POU3F4: variants seen among roughly 807,000 people sequenced by gnomAD.
POU3F4 encodes POU class 3 homeobox 4, also known as POU domain, class 3, transcription factor 4.
POU3F4 carries 2 observed loss-of-function variants against 15.2 expected under a neutral mutation model. The observed-to-expected ratio is 0.13, with a 90% CI of 0.05 to 0.42. The LOEUF is 0.42. POU3F4 is among the 10% of genes least tolerant of loss of function. The pLI is 0.99. For synonymous variants in POU3F4, 158 were observed against 133.3 expected (o/e 1.19, Z -1.28); for missense variants, 220 against 297.0 (o/e 0.74, Z 1.91).
In POU3F4 at chrX:83,510,872, A is replaced by C. The variant is rs1925896940; in HGVS notation, c.*1462A>C. The C allele has an allele frequency of 9.1e-6, 1 of 109,629 alleles. No homozygotes were observed. Among genetic ancestry groups the C allele is most frequent in the African/African-American group, 3.3e-5 (1 of 30,017 alleles). 9.0% of individuals were successfully genotyped at this position (109,629 alleles called of 1,213,427 possible). A position where few individuals can be genotyped will look rare whatever the true frequency, so the allele number is the denominator to read the frequency against. ...TCTGCTCAGTGCAGAACGGCAATGA[A>C]ATGATTGGCAAAGGTCACAGGGATT... On this transcript the variant is annotated 3_prime_UTR_variant, in exon 1 of 1. Transcript: ENST00000644024.
In POU3F4 at chrX:83,509,759, C is replaced by CACAT. The variant is rs1324998790; in HGVS notation, c.*352_*355dup. ...TTCTAACTTCTGTTGACAAAGGAAA[C>CACAT]ACATACTCTCTCATTCAGGCTTCTC... On this transcript the variant is annotated 3_prime_UTR_variant, in exon 1 of 1. Transcript: ENST00000644024. The CACAT allele has an allele frequency of 7.2e-5, 19 of 263,840 alleles. No individual in the cohort carries two copies. The highest frequency in any genetic ancestry group is 1.2e-4 in the Non-Finnish European group (17 of 144,046). The allele number at this position is 263,840 out of a possible 1,213,427, so 21.7% of individuals were successfully genotyped here.
In POU3F4 at chrX:83,508,730, C is replaced by G; in HGVS notation, c.406C>G (p.Gln136Glu). ...CGGCCAACCCCTCAACGTGTACTCGCAGCCTGGCTTCACCGTGAGCGGCAT... is the reference window on the plus strand; with the variant it reads ...CGGCCAACCCCTCAACGTGTACTCGGAGCCTGGCTTCACCGTGAGCGGCAT... ...SSGQPLNVYS[Q>E]PGFTVSGMLE... Residue 136 changes from glutamine to glutamate, a missense_variant, in exon 1 of 1, where the codon CAG becomes GAG. Transcript: ENST00000644024. 1 of 1,209,633 alleles carries G rather than the reference C, an allele frequency of 8.3e-7. No individual in the cohort carries two copies.
Position 83,510,342 on chromosome X carries a change from G to A in POU3F4, c.*932G>A, listed in dbSNP as rs903580478. 9.5e-6 allele frequency: 1 copy of A among 105,776 alleles called. No homozygotes were observed. The highest frequency in any genetic ancestry group is 1.9e-5 in the Non-Finnish European group (1 of 51,383). 8.7% of individuals were successfully genotyped at this position (105,776 alleles called of 1,213,427 possible). A position where few individuals can be genotyped will look rare whatever the true frequency, so the allele number is the denominator to read the frequency against. ...AGGAGGAGAGGATACAACGAAGAGAGTTATTGATGATGATATTGGTTATAT... is the reference window on the plus strand; with the variant it reads ...AGGAGGAGAGGATACAACGAAGAGAATTATTGATGATGATATTGGTTATAT... On this transcript the variant is annotated 3_prime_UTR_variant, in exon 1 of 1. Transcript: ENST00000644024.
chrX:83,509,699 C>CCTTTTTTTCCCTTTT lies in POU3F4; in HGVS notation c.*294_*308dup, dbSNP rs1925869138. The CCTTTTTTTCCCTTTT allele has an allele frequency of 5.6e-6, 2 of 355,461 alleles. No homozygotes were observed. Among genetic ancestry groups the CCTTTTTTTCCCTTTT allele is most frequent in the Non-Finnish European group, 9.9e-6 (2 of 201,711 alleles). 29.3% of individuals were successfully genotyped at this position (355,461 alleles called of 1,213,427 possible). ...CCTTTCTTTTCTTTTGCTTTCCTTTCCTTTTTTTCCCTTTTCTTTCCTTTT... is the reference window on the plus strand; with the variant it reads ...CCTTTCTTTTCTTTTGCTTTCCTTTCCTTTTTTTCCCTTTTCTTTTTTTCCCTTTTCTTTCCTTTT... On this transcript the variant is annotated 3_prime_UTR_variant, in exon 1 of 1. Coordinates refer to ENST00000644024, the MANE Select transcript of POU3F4 (RefSeq NM_000307.5).
chrX:83,508,948 G>C lies in POU3F4; in HGVS notation c.624G>C (p.Leu208Phe). 8.2e-7 allele frequency: 1 copy of C among 1,212,251 alleles called. No homozygotes were observed. Among genetic ancestry groups the C allele is most frequent in the Non-Finnish European group, 1.1e-6 (1 of 895,633 alleles). Reference sequence around the variant, plus strand: ...AATTCAAACAAAGAAGAATCAAGTTGGGCTTCACGCAGGCCGACGTGGGGT... The same window carrying C: ...AATTCAAACAAAGAAGAATCAAGTTCGGCTTCACGCAGGCCGACGTGGGGT... ...AKQFKQRRIK[L>F]GFTQADVGLA... The change falls in exon 1 of 1, where the codon TTG becomes TTC. Residue 208 changes from leucine to phenylalanine, a missense_variant. Transcript: ENST00000644024.
Position 83,509,104 on chromosome X carries a change from T to C in POU3F4, c.780T>C (p.Asp260=). ...PLLNKWLEEA[D]SSTGSPTSID... is the part of the protein sequence containing the mutation. ...TGAACAAGTGGCTGGAGGAGGCGGA[T>C]TCGTCCACAGGGAGCCCGACCAGCA... The change falls in exon 1 of 1, where the codon GAT becomes GAC. Residue 260 remains aspartate (D), a synonymous_variant. Coordinates refer to ENST00000644024, the MANE Select transcript of POU3F4 (RefSeq NM_000307.5). 1 of 1,211,714 alleles carries C rather than the reference T, an allele frequency of 8.3e-7. No homozygotes were observed.
chrX:83,509,588 C>A lies in POU3F4; in HGVS notation c.*178C>A. 1.5e-6 allele frequency: 1 copy of A among 646,182 alleles called. No homozygotes were observed. The highest frequency in any genetic ancestry group is 2.3e-6 in the Non-Finnish European group (1 of 438,700). The allele number at this position is 646,182 out of a possible 1,213,427, so 53.3% of individuals were successfully genotyped here. A position where few individuals can be genotyped will look rare whatever the true frequency, so the allele number is the denominator to read the frequency against. On this transcript the variant is annotated 3_prime_UTR_variant, in exon 1 of 1. Transcript: ENST00000644024. ...CCTTTTTCTTTCCTTTCCCCTTTTT[C>A]TTTCCCTTCTTTTTCCCTTTCCTTT... is the stretch of plus-strand genomic sequence containing the variant.
Position 83,508,478 on chromosome X carries a change from C to A in POU3F4, c.154C>A (p.Pro52Thr). The A allele has an allele frequency of 1.7e-6, 2 of 1,208,233 alleles. No homozygotes were observed. Among genetic ancestry groups the A allele is most frequent in the Non-Finnish European group, 2.2e-6 (2 of 893,592 alleles). Residue 52 changes from proline to threonine, a missense_variant, in exon 1 of 1, where the codon CCC becomes ACC. Coordinates refer to ENST00000644024, the MANE Select transcript of POU3F4 (RefSeq NM_000307.5). ...GCAGGGAGTTCCCAGCAATGGGCAT[C>A]CCCTCGGGCATCACTGGGTGACCAG... Reference protein sequence around the residue: ...YLQGVPSNGHPLGHHWVTSLS... With the variant: ...YLQGVPSNGHTLGHHWVTSLS...
Position 83,509,177 on chromosome X carries a change from A to G in POU3F4, c.853A>G (p.Ile285Val). 8.3e-7 allele frequency: 1 copy of G among 1,211,623 alleles called. No homozygotes were observed. The highest frequency in any genetic ancestry group is 1.1e-6 in the Non-Finnish European group (1 of 895,244). The part of the protein sequence containing the change: ...QGRKRKKRTS[I>V]EVSVKGVLET... ...CCGCAAGCGCAAGAAGCGGACCTCC[A>G]TCGAGGTGAGTGTCAAGGGCGTACT... is the stretch of plus-strand genomic sequence containing the variant. The change falls in exon 1 of 1, where the codon ATC becomes GTC. Residue 285 changes from isoleucine to valine, a missense_variant. This residue lies in a region of POU3F4 where 25 missense variants were observed against 36.7 expected (regional missense o/e 0.68). Coordinates refer to ENST00000644024, the MANE Select transcript of POU3F4 (RefSeq NM_000307.5).
In POU3F4 at chrX:83,509,467, T is replaced by A; in HGVS notation, c.*57T>A. 8.6e-7 allele frequency: 1 copy of A among 1,161,120 alleles called. No individual in the cohort carries two copies. Among genetic ancestry groups the A allele is most frequent in the South Asian group, 1.9e-5 (1 of 52,663 alleles). ...TGGGAGCAGCGCGGATTTCTCTTTC[T>A]CTCTCACTCTCTTCCTTTCATTCTA... On this transcript the variant is annotated 3_prime_UTR_variant, in exon 1 of 1. Coordinates refer to ENST00000644024, the MANE Select transcript of POU3F4 (RefSeq NM_000307.5).
In POU3F4 at chrX:83,508,957, G is replaced by T. The variant is rs368307448; in HGVS notation, c.633G>T (p.Thr211=). Residue 211 remains threonine, a synonymous_variant, in exon 1 of 1, where the codon ACG becomes ACT. Coordinates refer to ENST00000644024, the MANE Select transcript of POU3F4 (RefSeq NM_000307.5). Reference sequence around the variant, plus strand: ...AAAGAAGAATCAAGTTGGGCTTCACGCAGGCCGACGTGGGGTTGGCGCTGG... The same window carrying T: ...AAAGAAGAATCAAGTTGGGCTTCACTCAGGCCGACGTGGGGTTGGCGCTGG... The part of the protein sequence containing the change: ...FKQRRIKLGF[T]QADVGLALGT... The T allele has an allele frequency of 8.2e-7, 1 of 1,212,214 alleles. No individual in the cohort carries two copies.
In POU3F4 at chrX:83,511,179, G is replaced by A. The variant is rs1178535172; in HGVS notation, c.*1769G>A. 1.0e-5 allele frequency: 1 copy of A among 95,286 alleles called. No individual in the cohort carries two copies. Among genetic ancestry groups the A allele is most frequent in the Non-Finnish European group, 2.1e-5 (1 of 46,886 alleles). The allele number at this position is 95,286 out of a possible 1,213,427, so 7.9% of individuals were successfully genotyped here. ...ATAGCTGTGTGTATCGCGTTACTAT[G>A]TACAAAAACAAAAAGTACAAAAAAA... On this transcript the variant is annotated 3_prime_UTR_variant, in exon 1 of 1. Transcript: ENST00000644024.
chrX:83,509,364 T>A lies in POU3F4; in HGVS notation c.1040T>A (p.Val347Asp). The change falls in exon 1 of 1, where the codon GTT becomes GAT. Residue 347 changes from valine to aspartate, a missense_variant. Physicochemically the swap from Val to Asp is radical, Grantham distance 152. Around this residue, in one of 5 missense-constraint regions of POU3F4, gnomAD observed 19 missense variants for 22.9 expected, o/e 0.83. Transcript: ENST00000644024. ...TPPGDQQPHE[V>D]YSHTVKTDTS... ...CCAGGGGATCAGCAGCCGCATGAGG[T>A]TTATTCGCACACCGTGAAAACAGAC... is the stretch of plus-strand genomic sequence containing the variant. The A allele has an allele frequency of 8.3e-7, 1 of 1,207,225 alleles. No individual in the cohort carries two copies. The highest frequency in any genetic ancestry group is 1.1e-6 in the Non-Finnish European group (1 of 893,080).
rs1925866466 is a variant in POU3F4, at chrX:83,509,651, CCTTCCATCT to C, written c.*247_*255del. 2.3e-6 allele frequency: 1 copy of C among 428,843 alleles called. No individual in the cohort carries two copies. Among genetic ancestry groups the C allele is most frequent in the Non-Finnish European group, 4.0e-6 (1 of 250,915 alleles). 35.3% of individuals were successfully genotyped at this position (428,843 alleles called of 1,213,427 possible). A position where few individuals can be genotyped will look rare whatever the true frequency, so the allele number is the denominator to read the frequency against. ...TTTCCTTTCCCCTTCCCTTCCCTTC[CCTTCCATCT>C]CTTCCTTTCCTTTCCTTTCTTTTCT... On this transcript the variant is annotated 3_prime_UTR_variant, in exon 1 of 1. Coordinates refer to ENST00000644024, the MANE Select transcript of POU3F4 (RefSeq NM_000307.5).
chrX:83,508,705 C>T lies in POU3F4; in HGVS notation c.381C>T (p.Ser127=), dbSNP rs1467224355. Residue 127 remains serine (S), a synonymous_variant, in exon 1 of 1, where the codon AGC becomes AGT. Transcript: ENST00000644024. ...SPAPNPSITS[S]GQPLNVYSQP... is the part of the protein sequence containing the mutation. ...CACCGAACCCGTCTATCACGTCAAG[C>T]GGCCAACCCCTCAACGTGTACTCGC... The T allele has an allele frequency of 2.5e-6, 3 of 1,211,325 alleles. No homozygotes were observed. The highest frequency in any genetic ancestry group is 3.4e-6 in the Non-Finnish European group (3 of 895,177).
rs1466647167 is a variant in POU3F4 at position 83,512,052 on chromosome X, G to A, written c.*2642G>A. On this transcript the variant is annotated 3_prime_UTR_variant, in exon 1 of 1. Transcript: ENST00000644024. ...TGTTTGATGTGAAGTTTTAGTCAAG[G>A]GGTTTATATTGACGCAATATTTTAT... is the stretch of plus-strand genomic sequence containing the variant. 8.9e-6 allele frequency: 1 copy of A among 111,980 alleles called. No individual in the cohort carries two copies. The highest frequency in any genetic ancestry group is 1.9e-5 in the Non-Finnish European group (1 of 53,246). 9.2% of individuals were successfully genotyped at this position (111,980 alleles called of 1,213,427 possible).
rs1208747381 is a variant in POU3F4 at position 83,509,431 on chromosome X, G to T, written c.*21G>T. On this transcript the variant is annotated 3_prime_UTR_variant, in exon 1 of 1. Coordinates refer to ENST00000644024, the MANE Select transcript of POU3F4 (RefSeq NM_000307.5). ...TCTGACTGGAGGAAGCGAGGAGGCG[G>T]CCGGCCGCACTGGGAGCAGCGCGGA... The T allele has an allele frequency of 1.7e-6, 2 of 1,187,741 alleles. No individual in the cohort carries two copies. Among genetic ancestry groups the T allele is most frequent in the Admixed American group, 4.8e-5 (2 of 41,596 alleles).
At position 83,508,574 on chromosome X, in the gene POU3F4, G is replaced by C. The variant is rs1250947545; in HGVS notation, c.250G>C (p.Gly84Arg). ...SPLDQQDVKP[G>R]REDLQLGAII... is the part of the protein sequence containing the mutation. The stretch of plus-strand genomic sequence containing the variant: ...CCTGGACCAGCAGGACGTGAAGCCC[G>C]GGCGCGAAGACCTGCAACTGGGTGC... Residue 84 changes from glycine (G) to arginine (R), a missense_variant, in exon 1 of 1, where the codon GGG (glycine) becomes CGG (arginine). Gly to Arg is a moderately radical substitution (Grantham distance 125). Around this residue, in one of 5 missense-constraint regions of POU3F4, gnomAD observed 161 missense variants for 154.1 expected, o/e 1.05. Transcript: ENST00000644024. 1 of 1,205,359 alleles carries C rather than the reference G, an allele frequency of 8.3e-7. No homozygotes were observed. Among genetic ancestry groups the C allele is most frequent in the Admixed American group, 2.2e-5 (1 of 45,397 alleles).
chrX:83,511,978 ATTCT>A lies in POU3F4; in HGVS notation c.*2572_*2575del, dbSNP rs2147998196. ...AATTCTGCATTGTGTTTAAAAGGAA[ATTCT>A]TTCACAGATAAGTTGGATGTCAAAA... is the stretch of plus-strand genomic sequence containing the variant. On this transcript the variant is annotated 3_prime_UTR_variant, in exon 1 of 1. Transcript: ENST00000644024. The A allele has an allele frequency of 8.9e-6, 1 of 112,747 alleles. No individual in the cohort carries two copies. Among genetic ancestry groups the A allele is most frequent in the East Asian group, 2.8e-4 (1 of 3,613 alleles). The allele number at this position is 112,747 out of a possible 1,213,427, so 9.3% of individuals were successfully genotyped here. A position where few individuals can be genotyped will look rare whatever the true frequency, so the allele number is the denominator to read the frequency against.
Sources: gnomAD v4.1 joint callset for allele counts on GRCh38, gnomAD v4.1.1 for gene constraint, gnomAD v4.1.1 regional missense constraint, MANE v1.5 for transcripts, NCBI Gene and HGNC (gene_info 2026-07-23, HGNC 2026-07-21) for gene names.